The following CCDC28A variants were observed in gnomAD, a reference collection of about 807,000 sequenced individuals.
The protein encoded by CCDC28A is coiled-coil domain-containing protein 28A.
A neutral mutation model predicts 22.1 loss-of-function variants in CCDC28A; 24 were observed. The ratio of observed to expected loss-of-function variants is 1.09; its 90% CI spans 0.79 to 1.53. The LOEUF (loss-of-function observed/expected upper bound fraction) is 1.53, where lower values mean the gene tolerates loss of function less well. Ranked by LOEUF, CCDC28A falls within the 40% of genes most tolerant of loss-of-function variation. CCDC28A has a pLI of 0.00. For missense variants in CCDC28A, 170 were observed against 210.7 expected (o/e 0.81, Z 1.20); for synonymous variants, 83 against 74.7 (o/e 1.11, Z -0.57).
chr6:138,788,680 G>A (rs1775129628), intron 5 of CCDC28A, among the ~76,000 whole-genome samples: 2 of 145,560 alleles, frequency 1.4e-5, no homozygotes, highest in Admixed American at 7.0e-5. Context: ...AGGCTCAAGC[G>A]ATCTTCCCAC....
rs1183079755 is a variant in CCDC28A at position 138,793,253 on chromosome 6, T to A, written c.*450T>A. The A allele has an allele frequency of 6.5e-6, 1 of 154,740 alleles. No homozygotes were observed. Among genetic ancestry groups the A allele is most frequent in the African/African-American group, 2.4e-5 (1 of 41,504 alleles). The allele number at this position is 154,740 out of a possible 1,614,324, so 9.6% of individuals were successfully genotyped here. ...TGCTGGTGTGTTTTCCAATGGCCAGTGATAAGAAATTAAATAAGTATTTGT... is the reference window on the plus strand; with the variant it reads ...TGCTGGTGTGTTTTCCAATGGCCAGAGATAAGAAATTAAATAAGTATTTGT... On this transcript the variant is annotated 3_prime_UTR_variant, in exon 6 of 6. Coordinates refer to ENST00000617445, the MANE Select transcript of CCDC28A (RefSeq NM_015439.3).
chr6:138,788,304 T>C, intron 4 of CCDC28A, 62 bp from the exon 5 acceptor site: 1 of 579,792 alleles, frequency 1.7e-6, no homozygotes, highest in South Asian at 3.1e-5. Flanking sequence ...AAAGAAATAG[T>C]TAACAACTAT....
chr6:138,791,244 C>G (rs1268577951), intron 5 of CCDC28A, among the ~76,000 whole-genome samples: 2 of 146,738 alleles, frequency 1.4e-5, no homozygotes, highest in Non-Finnish European at 3.1e-5. Flanking sequence ...TTATGCCCAG[C>G]TATTTTTTTT....
chr6:138,788,892 A>G (rs1775132030), intron 5 of CCDC28A, among the ~76,000 whole-genome samples: 1 of 152,142 alleles, frequency 6.6e-6, no homozygotes, highest in Non-Finnish European at 1.5e-5. Context: ...TGCTATGTAA[A>G]TTATTTTGAA....
At position 138,784,003 on chromosome 6, in the gene CCDC28A, A is replaced by T. The variant is rs145461140; in HGVS notation, c.323-1224A>T. Among the ~76,000 whole-genome samples the T allele has an allele frequency of 7.3e-3, 1,101 of 150,296 alleles. 11 individuals are homozygous for T. Among genetic ancestry groups the T allele is most frequent in the African/African-American group, 0.026 (1,064 of 40,732 alleles). On this transcript the variant is annotated intron_variant, in intron 3 of 5. Coordinates refer to ENST00000617445, the MANE Select transcript of CCDC28A (RefSeq NM_015439.3). ...TATGATCCTCCCACCTCAACCTCCC[A>T]AGTAGCTGGGATTACAGGCACATGC...
In CCDC28A at chr6:138,779,849, G is replaced by T. The variant is rs1210234219; in HGVS notation, c.186G>T (p.Gln62His). The stretch of plus-strand genomic sequence containing the variant: ...TGATGAAAGAAAAGACCAAACCTCA[G>T]GGTGGAGAGGGCAAAGGCGCTCAGT... ...KRVMKEKTKPQGGEGKGAQST... is the reference protein window; with the variant it reads ...KRVMKEKTKPHGGEGKGAQST... Residue 62 changes from glutamine (Q) to histidine (H), a missense_variant, in exon 3 of 6, where the codon CAG (glutamine) becomes CAT (histidine). Transcript: ENST00000617445. The T allele has an allele frequency of 6.2e-7, 1 of 1,613,502 alleles. No homozygotes were observed. The highest frequency in any genetic ancestry group is 1.1e-5 in the South Asian group (1 of 91,004).
intron 4 of CCDC28A, among the ~76,000 whole-genome samples, chr6:138,787,949 A>G (rs1461325571): frequency 1.4e-5 from 2 of 143,974 alleles, no homozygotes; most frequent in African/African-American, 5.1e-5. Flanking sequence ...TTTTTCATTT[A>G]CAGAAAGCTT....
chr6:138,776,030 T>C (rs1774925622), intron 1 of CCDC28A, 49 bp from the exon 2 acceptor site: 2 of 1,455,720 alleles, frequency 1.4e-6, no homozygotes, highest in South Asian at 1.1e-5. Context: ...ATTTCTTTCA[T>C]GTTTGCATAT....
chr6:138,784,353 C>CT (rs10689868), intron 3 of CCDC28A, among the ~76,000 whole-genome samples: 45,481 of 140,078 alleles, frequency 0.32, 7,863 homozygotes, highest in East Asian at 0.6. Context: ...TTCTCTTTTT[C>CT]TTTTTTTTTT....
In CCDC28A at chr6:138,776,255, T is replaced by A; in HGVS notation, c.135T>A (p.Thr45=). ...TTTCAAATCCTGCATCACAGTCAAC[T>A]TCACAGCGACCAAAGTTAAAAAGGT... ...TGFSNPASQS[T]SQRPKLKRVM... is the part of the protein sequence containing the mutation. The change falls in exon 2 of 6, where the codon ACT becomes ACA. Residue 45 remains threonine, a synonymous_variant. Transcript: ENST00000617445. 1 of 1,613,952 alleles carries A rather than the reference T, an allele frequency of 6.2e-7. No homozygotes were observed. The highest frequency in any genetic ancestry group is 8.5e-7 in the Non-Finnish European group (1 of 1,179,834).
chr6:138,785,247 C>G lies in CCDC28A; in HGVS notation c.343C>G (p.Gln115Glu), dbSNP rs1775074530. Residue 115 changes from glutamine (Q) to glutamate (E), a missense_variant, in exon 4 of 6, where the codon CAG becomes GAG. Transcript: ENST00000617445. ...CCAAGGAAATGAATGTTCCATTGAACAGATGGAACATGTTCGGGGAATGCA... is the reference window on the plus strand; with the variant it reads ...CCAAGGAAATGAATGTTCCATTGAAGAGATGGAACATGTTCGGGGAATGCA... ...QAFGNECSIE[Q>E]MEHVRGMQEK... is the part of the protein sequence containing the mutation. 1.9e-6 allele frequency: 3 copies of G among 1,612,452 alleles called. No homozygotes were observed. Among genetic ancestry groups the G allele is most frequent in the Non-Finnish European group, 2.5e-6 (3 of 1,178,790 alleles).
chr6:138,776,464 AT>A (rs1391526637), intron 2 of CCDC28A, among the ~76,000 whole-genome samples, 186 bp downstream of exon 2: 1 of 152,144 alleles, frequency 6.6e-6, no homozygotes, highest in African/African-American at 2.4e-5. Context: ...TGCAAAATGA[AT>A]TATTGGTTTG....
Position 138,773,887 on chromosome 6 carries a change from TA to T in CCDC28A, c.-57del, listed in dbSNP as rs776012827. 1.2e-6 allele frequency: 2 copies of T among 1,613,484 alleles called. No homozygotes were observed. Among genetic ancestry groups the T allele is most frequent in the Non-Finnish European group, 1.7e-6 (2 of 1,180,000 alleles). ...TGCGGGTTGCGGAAGGGGGCCCCAA[TA>T]CCCTTCTTCTTCAGGTATGTAGTGG... On this transcript the variant is annotated 5_prime_UTR_variant, in exon 1 of 6. Transcript: ENST00000617445.
chr6:138,787,415 T>A (rs1360686495), intron 4 of CCDC28A, among the ~76,000 whole-genome samples: 1 of 152,162 alleles, frequency 6.6e-6, no homozygotes, highest in Admixed American at 6.5e-5. Context: ...CCTGTAGAAC[T>A]ATAAGAGGTA....
rs777697396 is a variant in CCDC28A at position 138,773,859 on chromosome 6, C to G, written c.-86C>G. The G allele has an allele frequency of 6.2e-7, 1 of 1,613,948 alleles. No homozygotes were observed. Among genetic ancestry groups the G allele is most frequent in the Non-Finnish European group, 8.5e-7 (1 of 1,180,034 alleles). On this transcript the variant is annotated 5_prime_UTR_variant, in exon 1 of 6. Coordinates refer to ENST00000617445, the MANE Select transcript of CCDC28A (RefSeq NM_015439.3). Reference sequence around the variant, plus strand: ...GCGGTGGCTTCTGAGGCTGTCGGGTCTTTGCGGGTTGCGGAAGGGGGCCCC... The same window carrying G: ...GCGGTGGCTTCTGAGGCTGTCGGGTGTTTGCGGGTTGCGGAAGGGGGCCCC...
rs1345478038 is a variant in CCDC28A, at chr6:138,776,273, A to G, written c.153A>G (p.Leu51=). 1.9e-6 allele frequency: 3 copies of G among 1,610,394 alleles called. No homozygotes were observed. Among genetic ancestry groups the G allele is most frequent in the Non-Finnish European group, 2.5e-6 (3 of 1,176,720 alleles). ...AGTCAACTTCACAGCGACCAAAGTT[A>G]AAAAGGTGAATTCTTTTATTTTACA... ...ASQSTSQRPK[L]KRVMKEKTKP... is the part of the protein sequence containing the mutation. The change falls in exon 2 of 6, where the codon TTA becomes TTG. Residue 51 remains leucine, a synonymous_variant. Transcript: ENST00000617445.
At chr6:138,781,249 C>A (rs564504657) in intron 3 of CCDC28A, among the ~76,000 whole-genome samples, 2 of 152,270 alleles carry the variant, frequency 1.3e-5, no homozygotes, top group South Asian at 4.1e-4. Context: ...CTAGTTCATT[C>A]TTTTTTAATG....
chr6:138,785,288 C>T lies in CCDC28A; in HGVS notation c.384C>T (p.Arg128=). The change falls in exon 4 of 6, where the codon CGC becomes CGT. Residue 128 remains arginine, a synonymous_variant. Coordinates refer to ENST00000617445, the MANE Select transcript of CCDC28A (RefSeq NM_015439.3). ...HVRGMQEKLA[R]LNLELYGELE... ...GGGGAATGCAGGAGAAATTAGCTCG[C>T]TTGAATTTGGAGCTCTATGGGGAGT... The T allele has an allele frequency of 6.2e-7, 1 of 1,613,126 alleles. No homozygotes were observed. The highest frequency in any genetic ancestry group is 8.5e-7 in the Non-Finnish European group (1 of 1,179,260).
intron 5 of CCDC28A, 24 bp downstream of exon 5, chr6:138,788,412 G>A: frequency 8.4e-7 from 1 of 1,194,738 alleles, no homozygotes; most frequent in Non-Finnish European, 1.2e-6. Context: ...GCTATCAACA[G>A]TGAAAAGTTT....
Sources: gnomAD v4.1 joint callset for allele counts (sites outside exome capture counted in the v4.1 genomes callset) on GRCh38, gnomAD v4.1.1 for gene constraint, MANE v1.5 for transcripts, NCBI Gene and HGNC (gene_info 2026-07-23, HGNC 2026-07-21) for gene names.